EXOC4: variants seen among roughly 807,000 people sequenced by gnomAD.
The protein encoded by EXOC4 is exocyst complex component 4.
A neutral mutation model predicts 107.2 loss-of-function variants in EXOC4; 71 were observed. The observed-to-expected ratio is 0.66, with a 90% CI of 0.55 to 0.81. The LOEUF is 0.81. EXOC4 is among the 30% of genes least tolerant of loss of function. EXOC4 has a pLI of 0.00. For missense variants in EXOC4, 1,108 were observed against 1,189.6 expected (o/e 0.93, Z 1.01); for synonymous variants, 456 against 441.2 (o/e 1.03, Z -0.42).
intron 10 of EXOC4, among the ~76,000 whole-genome samples, chr7:133,673,310 T>C (rs985992626): frequency 6.6e-6 from 1 of 152,204 alleles, no homozygotes; most frequent in East Asian, 1.9e-4. Flanking sequence ...TAGGAAGTTA[T>C]TGTGTATGGT....
intron 7 of EXOC4, among the ~76,000 whole-genome samples, chr7:133,415,024 A>C (rs919199406): frequency 3.3e-5 from 5 of 152,208 alleles, no homozygotes; most frequent in African/African-American, 1.2e-4. Context: ...ATATAAATGA[A>C]ATCATATAAT....
At chr7:133,255,757 G>A (rs1224506381) in intron 1 of EXOC4, among the ~76,000 whole-genome samples, 1 of 152,150 alleles carries the variant, frequency 6.6e-6, no homozygotes, top group African/African-American at 2.4e-5. Context: ...AACATACCCA[G>A]TGGTTTAAAT....
chr7:133,640,845 C>T (rs750830511), intron 10 of EXOC4, among the ~76,000 whole-genome samples: 3 of 145,142 alleles, frequency 2.1e-5, no homozygotes, highest in Admixed American at 7.2e-5. Context: ...TAATTGGCAA[C>T]TTAAAATCGA....
chr7:133,946,631 C>T (rs997147990), intron 14 of EXOC4, among the ~76,000 whole-genome samples: 1 of 152,162 alleles, frequency 6.6e-6, no homozygotes, highest in African/African-American at 2.4e-5. Flanking sequence ...CTGTGCTTAG[C>T]GTGTTCACCT....
At chr7:134,007,114 T>C (rs1794660590) in intron 16 of EXOC4, among the ~76,000 whole-genome samples, 1 of 152,220 alleles carries the variant, frequency 6.6e-6, no homozygotes, top group Admixed American at 6.5e-5. Flanking sequence ...ATTAGCATTA[T>C]TGCCAATAAC....
chr7:134,024,643 C>T (rs1795098598), intron 17 of EXOC4, among the ~76,000 whole-genome samples: 1 of 152,140 alleles, frequency 6.6e-6, no homozygotes, highest in Admixed American at 6.5e-5. Flanking sequence ...AGGAATTCCC[C>T]ACAACCTGGT....
chr7:134,096,831 G>T, the EXOC4 span, among the ~76,000 whole-genome samples: 2 of 152,084 alleles, frequency 1.3e-5, no homozygotes, highest in Middle Eastern at 3.4e-3. Flanking sequence ...TTGAGGGTGG[G>T]TCTGCCTCTC....
At position 133,455,803 on chromosome 7, in the gene EXOC4, A is replaced by G. The variant is rs963428471; in HGVS notation, c.1183-19525A>G. ...TTTTGACTTAAAGATTGAACGATCTATCTGTAGTGCTAGTGATGTTTCAAA... is the reference window on the plus strand; with the variant it reads ...TTTTGACTTAAAGATTGAACGATCTGTCTGTAGTGCTAGTGATGTTTCAAA... On this transcript the variant is annotated intron_variant, in intron 7 of 17. Coordinates refer to ENST00000253861, the MANE Select transcript of EXOC4 (RefSeq NM_021807.4). Among the ~76,000 whole-genome samples, 5 of 152,240 alleles carry G rather than the reference A, an allele frequency of 3.3e-5. No homozygotes were observed. The South Asian group carries it at 6.2e-4, about 19-fold the overall frequency.
At chr7:133,928,025 C>G (rs1360943320) in intron 13 of EXOC4, among the ~76,000 whole-genome samples, 2 of 152,134 alleles carry the variant, frequency 1.3e-5, no homozygotes, top group African/African-American at 2.4e-5. Flanking sequence ...TGTATTTGGA[C>G]AATTATTTGA....
chr7:133,821,811 C>G lies in EXOC4; in HGVS notation c.1734+4267C>G, dbSNP rs543335355. Among the ~76,000 whole-genome samples, 25 of 152,232 alleles carry G rather than the reference C, an allele frequency of 1.6e-4. 1 individual carries two copies. Among genetic ancestry groups the G allele is most frequent in the Admixed American group, 3.3e-4 (5 of 15,290 alleles). The stretch of plus-strand genomic sequence containing the variant: ...TACAGTTGGGTCTCTCCTAAATCCC[C>G]AGCTCCTAGAATAGTGTCTGCCATA... On this transcript the variant is annotated intron_variant, in intron 11 of 17. Transcript: ENST00000253861.
At chr7:133,405,378 T>C (rs1302108110) in intron 7 of EXOC4, among the ~76,000 whole-genome samples, 1 of 152,172 alleles carries the variant, frequency 6.6e-6, no homozygotes, top group Non-Finnish European at 1.5e-5. Flanking sequence ...TTGTAGAAAT[T>C]GTAAAACGTT....
chr7:133,328,607 GCAGGCCTGGTGGTGACAGAATCTCT>G lies in EXOC4; in HGVS notation c.763+11221_763+11245del, dbSNP rs113925301. Among the ~76,000 whole-genome samples, 291 of 152,238 alleles carry G rather than the reference GCAGGCCTGGTGGTGACAGAATCTCT, an allele frequency of 1.9e-3. 1 individual carries two copies. Among genetic ancestry groups the G allele is most frequent in the African/African-American group, 6.6e-3 (273 of 41,522 alleles). ...AGTGCTTCCTCTGGACTTTTGTAAG[GCAGGCCTGGTGGTGACAGAATCTCT>G]CAGCATTTGCTTGTGTGTAAAGGAT... is the stretch of plus-strand genomic sequence containing the variant. On this transcript the variant is annotated intron_variant, in intron 5 of 17. Coordinates refer to ENST00000253861, the MANE Select transcript of EXOC4 (RefSeq NM_021807.4).
intron 15 of EXOC4, among the ~76,000 whole-genome samples, chr7:134,001,908 C>G (rs1385307211): frequency 6.6e-6 from 1 of 152,222 alleles, no homozygotes. Flanking sequence ...TTTACATGGT[C>G]TTCTCATTGC....
chr7:133,926,965 A>G (rs1448535324), intron 13 of EXOC4, among the ~76,000 whole-genome samples: 3 of 152,112 alleles, frequency 2.0e-5, no homozygotes, highest in Non-Finnish European at 4.4e-5. Flanking sequence ...CACGAGTCAT[A>G]TATTAAATGT....
At chr7:133,481,382 A>C (rs1799153276) in intron 9 of EXOC4, among the ~76,000 whole-genome samples, 1 of 30,426 alleles carries the variant, frequency 3.3e-5, no homozygotes, top group Admixed American at 4.7e-4. Flanking sequence ...GATGGGAACG[A>C]ATACTTTTAC....
intron 7 of EXOC4, among the ~76,000 whole-genome samples, chr7:133,451,869 T>A (rs73443057): frequency 0.026 from 3,964 of 152,254 alleles, 176 homozygotes; most frequent in African/African-American, 0.091. Context: ...AGGTCAATGA[T>A]TTTGAGTTGG....
At chr7:133,321,688 A>C (rs991131018) in intron 5 of EXOC4, among the ~76,000 whole-genome samples, 20 of 152,200 alleles carry the variant, frequency 1.3e-4, no homozygotes, top group African/African-American at 4.6e-4. Context: ...ATAAACATAC[A>C]TGTGCATGTG....
chr7:133,428,697 C>T (rs1438374195), intron 7 of EXOC4, among the ~76,000 whole-genome samples: 2 of 152,122 alleles, frequency 1.3e-5, no homozygotes, highest in African/African-American at 4.8e-5. Flanking sequence ...TATTCGGGTT[C>T]CTTCAGTTAT....
chr7:133,263,629 G>T (rs950396533), intron 1 of EXOC4, among the ~76,000 whole-genome samples: 5 of 151,988 alleles, frequency 3.3e-5, no homozygotes, highest in Non-Finnish European at 7.4e-5. Flanking sequence ...CAATCTGCCT[G>T]CCTTGGCCTC....
Sources: allele counts gnomAD v4.1 joint callset (sites outside exome capture counted in the v4.1 genomes callset), GRCh38; gene constraint gnomAD v4.1.1; transcripts MANE v1.5; gene names NCBI Gene and HGNC (gene_info 2026-07-23, HGNC 2026-07-21).